The following CADM2 variants were observed in gnomAD, a reference collection of about 807,000 sequenced individuals.
CADM2 encodes the protein immunoglobulin superfamily member 4D.
Under a neutral mutation model 49.8 loss-of-function variants are expected in CADM2, and 12 were observed. The observed-to-expected ratio is 0.24, with a 90% CI of 0.15 to 0.39. The LOEUF (loss-of-function observed/expected upper bound fraction) is 0.39. CADM2 is among the 10% of genes least tolerant of loss of function. CADM2 has a pLI of 1.00. For missense variants in CADM2, 378 were observed against 492.3 expected (o/e 0.77, Z 2.20); for synonymous variants, 214 against 175.4 (o/e 1.22, Z -1.74).
chr3:85,834,787 C>A (rs1268885686), intron 3 of CADM2, among the ~76,000 whole-genome samples: 1 of 150,342 alleles, frequency 6.7e-6, no homozygotes, highest in African/African-American at 2.4e-5. Flanking sequence ...ATAGAATAAG[C>A]ATTCATCAGG....
chr3:85,448,531 T>A (rs1471677803), intron 1 of CADM2, among the ~76,000 whole-genome samples: 3 of 152,074 alleles, frequency 2.0e-5, no homozygotes, highest in Non-Finnish European at 2.9e-5. Context: ...TGTGGCGGTA[T>A]GTATAACTCA....
chr3:85,937,491 ATGAG>A (rs961319623), intron 7 of CADM2, among the ~76,000 whole-genome samples: 19 of 151,966 alleles, frequency 1.3e-4, no homozygotes, highest in African/African-American at 4.6e-4. Context: ...CAGATTTAAA[ATGAG>A]TGAGAATTTG....
chr3:85,112,167 A>G (rs2038482572), intron 1 of CADM2, among the ~76,000 whole-genome samples: 1 of 151,962 alleles, frequency 6.6e-6, no homozygotes, highest in Non-Finnish European at 1.5e-5. Context: ...GAGTGATAAC[A>G]TACCTCTTAT....
chr3:85,985,636 G>C (rs949659229), intron 8 of CADM2, among the ~76,000 whole-genome samples: 11 of 152,090 alleles, frequency 7.2e-5, no homozygotes, highest in African/African-American at 2.6e-4. Context: ...TAAATCATGT[G>C]CATCAGAAAA....
At chr3:85,446,705 C>T (rs139602051) in intron 1 of CADM2, among the ~76,000 whole-genome samples, 1,741 of 148,442 alleles carry the variant, frequency 0.012, 21 homozygotes, top group Non-Finnish European at 0.016. Context: ...CAGGTTCAAG[C>T]GATTCTCCTG....
intron 1 of CADM2, among the ~76,000 whole-genome samples, chr3:85,556,551 C>T (rs2061964029): frequency 6.6e-6 from 1 of 152,060 alleles, no homozygotes; most frequent in African/African-American, 2.4e-5. Context: ...TTGTGAAATT[C>T]CATGCAATTT....
At chr3:84,973,142 G>A (rs1392229062) in intron 1 of CADM2, among the ~76,000 whole-genome samples, 1 of 152,126 alleles carries the variant, frequency 6.6e-6, no homozygotes, top group East Asian at 1.9e-4. Context: ...CGAACTCCTG[G>A]CCTCAGGTGA....
intron 1 of CADM2, among the ~76,000 whole-genome samples, chr3:85,188,742 G>T (rs2041127285): frequency 6.6e-6 from 1 of 151,926 alleles, no homozygotes; most frequent in South Asian, 2.1e-4. Context: ...CTTTAAAAAT[G>T]AAGAGCAGGC....
chr3:85,521,076 T>C (rs1472061546), intron 1 of CADM2, among the ~76,000 whole-genome samples: 1 of 152,138 alleles, frequency 6.6e-6, no homozygotes, highest in Admixed American at 6.6e-5. Flanking sequence ...TATTCAGTGA[T>C]CTACTTTTCT....
At chr3:85,563,591 C>G (rs1262164276) in intron 1 of CADM2, among the ~76,000 whole-genome samples, 2 of 151,948 alleles carry the variant, frequency 1.3e-5, no homozygotes, top group South Asian at 4.2e-4. Flanking sequence ...TGAACTATAT[C>G]GAGGGCCACT....
At chr3:86,018,837 C>G (rs201118707) in intron 8 of CADM2, among the ~76,000 whole-genome samples, 67 of 146,984 alleles carry the variant, frequency 4.6e-4, no homozygotes, top group South Asian at 3.1e-3. Flanking sequence ...TGCCTGTTCA[C>G]TCTGATGGTA....
intron 8 of CADM2, among the ~76,000 whole-genome samples, chr3:86,024,603 A>T (rs538233257): frequency 2.2e-4 from 33 of 152,310 alleles, no homozygotes; most frequent in Non-Finnish European, 4.6e-4. Flanking sequence ...ACAATTATGC[A>T]TGTTCTGTAA....
intron 1 of CADM2, among the ~76,000 whole-genome samples, chr3:85,630,480 C>G (rs1269979631): frequency 6.6e-6 from 1 of 151,886 alleles, no homozygotes; most frequent in East Asian, 1.9e-4. Flanking sequence ...GATAACAATT[C>G]TCAAATATTC....
At chr3:85,581,783 T>G (rs1282398145) in intron 1 of CADM2, among the ~76,000 whole-genome samples, 1 of 151,752 alleles carries the variant, frequency 6.6e-6, no homozygotes, top group Non-Finnish European at 1.5e-5. Context: ...AAAGACATTA[T>G]CAGACATCTT....
In CADM2 at chr3:86,066,807, T is replaced by G. The variant is rs1455667140; in HGVS notation, c.*24T>G. 6.7e-7 allele frequency: 1 copy of G among 1,491,872 alleles called. No homozygotes were observed. The allele number at this position is 1,491,872 out of a possible 1,614,324, so 92.4% of individuals were successfully genotyped here. On this transcript the variant is annotated 3_prime_UTR_variant, in exon 10 of 10. Coordinates refer to ENST00000383699, the MANE Select transcript of CADM2 (RefSeq NM_001167675.2). ...AAGATGCAGGCCAAGATTCTGAGTT[T>G]TACTACCAGGCTGAATGCTGGAGAA...
At chr3:85,932,592 C>T (rs536942566) in intron 6 of CADM2, among the ~76,000 whole-genome samples, 1 of 152,122 alleles carries the variant, frequency 6.6e-6, no homozygotes, top group South Asian at 2.1e-4. Context: ...TAGCCAGGGA[C>T]CTAAGAGTTG....
chr3:85,882,733 A>G (rs1712996279), intron 3 of CADM2, among the ~76,000 whole-genome samples: 1 of 152,216 alleles, frequency 6.6e-6, no homozygotes, highest in Admixed American at 6.5e-5. Flanking sequence ...GTATTAACAT[A>G]CAATACAGCA....
At chr3:84,962,949 T>C (rs2030677887) in intron 1 of CADM2, among the ~76,000 whole-genome samples, 1 of 152,124 alleles carries the variant, frequency 6.6e-6, no homozygotes, top group Non-Finnish European at 1.5e-5. Context: ...GATAAGCCAG[T>C]GGTGAGAATC....
chr3:85,543,380 A>C (rs2061588988), intron 1 of CADM2, among the ~76,000 whole-genome samples: 1 of 140,006 alleles, frequency 7.1e-6, no homozygotes, highest in African/African-American at 2.5e-5. Context: ...TCAGCCTCCC[A>C]AGTAGCTGGG....
Sources: allele counts gnomAD v4.1 joint callset (sites outside exome capture counted in the v4.1 genomes callset), GRCh38; gene constraint gnomAD v4.1.1; transcripts MANE v1.5; gene names NCBI Gene and HGNC (gene_info 2026-07-23, HGNC 2026-07-21).